The following MAGI1 variants were observed in gnomAD, a reference collection of about 807,000 sequenced individuals.
The protein encoded by MAGI1 is membrane associated guanylate kinase, WW and PDZ domain containing 1, also known as membrane-associated guanylate kinase, WW and PDZ domain-containing protein 1.
Under a neutral mutation model 139.9 loss-of-function variants are expected in MAGI1, and 58 were observed. The ratio of observed to expected loss-of-function variants is 0.41; its 90% CI spans 0.34 to 0.52. MAGI1 has a LOEUF of 0.52. MAGI1 is among the 20% of genes least tolerant of loss of function. MAGI1 has a pLI of 0.12. For missense variants in MAGI1, 1,874 were observed against 1,901.6 expected (o/e 0.99, Z 0.27); for synonymous variants, 812 against 737.9 (o/e 1.10, Z -1.63).
intron 12 of MAGI1, among the ~76,000 whole-genome samples, chr3:65,403,430 C>T (rs573231506): frequency 5.7e-4 from 86 of 152,138 alleles, no homozygotes; most frequent in African/African-American, 1.6e-3. Flanking sequence ...TTTAAAATAA[C>T]GATTAAGTGC....
intron 1 of MAGI1, among the ~76,000 whole-genome samples, chr3:65,869,367 TTTGTTGTTG>T (rs200952901): frequency 0.02 from 2,392 of 118,874 alleles, 56 homozygotes; most frequent in African/African-American, 0.056. Context: ...AGACTGGTTT[TTTGTTGTTG>T]TTGTTGTTGT....
chr3:65,506,019 G>C (rs1300139864), intron 2 of MAGI1, among the ~76,000 whole-genome samples: 1 of 152,128 alleles, frequency 6.6e-6, no homozygotes, highest in African/African-American at 2.4e-5. Flanking sequence ...AACTTAAAGA[G>C]TGAAATCAGC....
At chr3:65,542,873 A>G (rs907459060) in intron 2 of MAGI1, among the ~76,000 whole-genome samples, 1 of 152,224 alleles carries the variant, frequency 6.6e-6, no homozygotes, top group Non-Finnish European at 1.5e-5. Context: ...ACCAAAAGCA[A>G]TGGCAACAAA....
At chr3:65,792,901 T>A (rs914031332) in intron 1 of MAGI1, among the ~76,000 whole-genome samples, 5 of 152,148 alleles carry the variant, frequency 3.3e-5, no homozygotes, top group African/African-American at 9.7e-5. Flanking sequence ...CAGGCGCTAC[T>A]ATAAATCACA....
chr3:65,781,318 G>A (rs968713320), intron 1 of MAGI1, among the ~76,000 whole-genome samples: 3 of 152,200 alleles, frequency 2.0e-5, no homozygotes, highest in Non-Finnish European at 2.9e-5. Context: ...CATTCATTGA[G>A]TATACTTACA....
Position 65,551,542 on chromosome 3 carries a change from C to T in MAGI1, c.431-57911G>A, listed in dbSNP as rs370350336. Among the ~76,000 whole-genome samples, 37 of 152,262 alleles carry T rather than the reference C, an allele frequency of 2.4e-4. No homozygotes were observed. The East Asian group carries it at 3.1e-3, about 13-fold the overall frequency. On this transcript the variant is annotated intron_variant, in intron 2 of 22. Transcript: ENST00000402939. ...GTCTCGATTTCCTGACCTCGTGATC[C>T]GCCCGCCTCGGCCTCCCAAAGTGCT... is the stretch of plus-strand genomic sequence containing the variant.
intron 1 of MAGI1, chr3:65,688,057 G>T: frequency 1.3e-6 from 1 of 775,750 alleles, no homozygotes; most frequent in Non-Finnish European, 2.3e-6. Flanking sequence ...AAGTCATTAT[G>T]CTGTGATAAC....
At chr3:65,901,654 C>A (rs938608402) in intron 1 of MAGI1, among the ~76,000 whole-genome samples, 10 of 152,206 alleles carry the variant, frequency 6.6e-5, no homozygotes, top group Admixed American at 2.6e-4. Flanking sequence ...CGGTGAAAAT[C>A]ATTTATCTAC....
At chr3:65,718,906 C>A (rs1326430895) in intron 1 of MAGI1, among the ~76,000 whole-genome samples, 1 of 150,012 alleles carries the variant, frequency 6.7e-6, no homozygotes, top group Non-Finnish European at 1.5e-5. Context: ...CCCTTCCTTT[C>A]AAAAAGCACT....
At chr3:65,950,982 A>C (rs1397073505) in intron 1 of MAGI1, among the ~76,000 whole-genome samples, 2 of 75,102 alleles carry the variant, frequency 2.7e-5, no homozygotes, top group African/African-American at 4.2e-5. Flanking sequence ...GAAGGAAGGA[A>C]GGAAGGAAGG....
intron 1 of MAGI1, among the ~76,000 whole-genome samples, chr3:65,921,635 A>C (rs1364749090): frequency 6.6e-6 from 1 of 152,072 alleles, no homozygotes; most frequent in Non-Finnish European, 1.5e-5. Context: ...TAAGATCTTT[A>C]CCACCATATT....
chr3:65,436,949 C>G (rs982972297), intron 10 of MAGI1, among the ~76,000 whole-genome samples: 1 of 152,058 alleles, frequency 6.6e-6, no homozygotes, highest in African/African-American at 2.4e-5. Context: ...TAAAATATTA[C>G]AAATAGTTGG....
rs185020853 is a variant in MAGI1, at chr3:66,017,001, G to C, written c.313+20995C>G. 2.0e-3 allele frequency among the ~76,000 whole-genome samples: 308 copies of C among 152,326 alleles called. 1 individual carries two copies. Among genetic ancestry groups the C allele is most frequent in the African/African-American group, 7.1e-3 (297 of 41,578 alleles). ...AGGGGCCAGGGGAAAGGGGAATGGGGAGTTGGTAATAGGCACAGTAGGAGA... is the reference window on the plus strand; with the variant it reads ...AGGGGCCAGGGGAAAGGGGAATGGGCAGTTGGTAATAGGCACAGTAGGAGA... On this transcript the variant is annotated intron_variant, in intron 1 of 22. Coordinates refer to ENST00000402939, the MANE Select transcript of MAGI1 (RefSeq NM_001033057.2).
At chr3:65,784,494 A>G (rs2649190) in intron 1 of MAGI1, among the ~76,000 whole-genome samples, 149,254 of 152,296 alleles carry the variant, frequency 0.98, 73,222 homozygotes, top group Middle Eastern at 1. Context: ...GAGGCAGGCG[A>G]ATCACGAGGT....
chr3:65,470,572 T>C, intron 4 of MAGI1, 88 bp from the exon 5 acceptor site: 2 of 794,444 alleles, frequency 2.5e-6, no homozygotes, highest in South Asian at 1.7e-5. Flanking sequence ...CCGGGAAGTA[T>C]GCAACTATAC....
chr3:65,499,036 A>T, intron 2 of MAGI1: 5 of 983,070 alleles, frequency 5.1e-6, no homozygotes, highest in Non-Finnish European at 6.0e-6. Flanking sequence ...ATGACATCTC[A>T]AACAGATAGA....
chr3:65,654,744 A>G (rs982040123), intron 1 of MAGI1, among the ~76,000 whole-genome samples: 3 of 152,150 alleles, frequency 2.0e-5, no homozygotes, highest in African/African-American at 7.2e-5. Flanking sequence ...AAGCTGCAGT[A>G]TGGGTCTTGG....
intron 1 of MAGI1, among the ~76,000 whole-genome samples, chr3:66,020,164 G>A (rs1333018106): frequency 6.6e-6 from 1 of 152,222 alleles, no homozygotes; most frequent in African/African-American, 2.4e-5. Flanking sequence ...TCTTGGCCGG[G>A]CGCAGTGGCT....
intron 4 of MAGI1, among the ~76,000 whole-genome samples, chr3:65,476,628 C>T (rs1032589429): frequency 6.6e-6 from 1 of 152,186 alleles, no homozygotes; most frequent in Non-Finnish European, 1.5e-5. Flanking sequence ...TACAGGCACA[C>T]AAGCTTCTTG....
Sources: allele counts gnomAD v4.1 joint callset (sites outside exome capture counted in the v4.1 genomes callset), GRCh38; gene constraint gnomAD v4.1.1; transcripts MANE v1.5; gene names NCBI Gene and HGNC (gene_info 2026-07-23, HGNC 2026-07-21).